RUFY3: variants seen among roughly 807,000 people sequenced by gnomAD.
RUFY3 encodes the protein RUN and FYVE domain containing 3.
RUFY3 carries 34 observed loss-of-function variants against 84.0 expected under a neutral mutation model. That is an observed-to-expected ratio of 0.40 (90% confidence interval 0.31 to 0.54). The LOEUF (loss-of-function observed/expected upper bound fraction) is 0.54, where lower values mean the gene tolerates loss of function less well. Among genes scored for constraint, RUFY3 ranks in the 20% least tolerant of loss-of-function variants. The pLI is 0.39. For synonymous variants in RUFY3, 242 were observed against 252.9 expected (o/e 0.96, Z 0.41); for missense variants, 507 against 736.8 (o/e 0.69, Z 3.61).
At chr4:70,723,181 G>A (rs898118517) in intron 1 of RUFY3, among the ~76,000 whole-genome samples, 1 of 152,036 alleles carries the variant, frequency 6.6e-6, no homozygotes, top group African/African-American at 2.4e-5. Context: ...AAACACCAGG[G>A]TATTTGGTAA....
chr4:70,727,354 C>CTTTT (rs762253929), intron 1 of RUFY3, among the ~76,000 whole-genome samples: 7,136 of 118,132 alleles, frequency 0.06, 756 homozygotes, highest in African/African-American at 0.2. Flanking sequence ...AAAGTAATAA[C>CTTTT]TTTTTTTTTT....
chr4:70,771,277 G>C (rs1578157803), intron 5 of RUFY3, among the ~76,000 whole-genome samples: 1 of 152,074 alleles, frequency 6.6e-6, no homozygotes, highest in African/African-American at 2.4e-5. Context: ...TGCAATATCT[G>C]TGAAGCAAAG....
chr4:70,779,674 C>A (rs111662335), intron 8 of RUFY3, among the ~76,000 whole-genome samples: 70 of 151,794 alleles, frequency 4.6e-4, no homozygotes, highest in African/African-American at 1.7e-3. Flanking sequence ...CCCCCGCCCC[C>A]CGGGCTCAAG....
At chr4:70,741,554 T>A in intron 1 of RUFY3, 6 of 1,314,768 alleles carry the variant, frequency 4.6e-6, no homozygotes, top group Non-Finnish European at 6.2e-6. Flanking sequence ...AATCTTGTTT[T>A]TAATAGCACT....
At chr4:70,781,641 C>G (rs1441843345) in intron 8 of RUFY3, among the ~76,000 whole-genome samples, 2 of 152,282 alleles carry the variant, frequency 1.3e-5, no homozygotes, top group South Asian at 2.1e-4. Context: ...GAGAGGAGAC[C>G]TACTTGCCCA....
intron 4 of RUFY3, among the ~76,000 whole-genome samples, chr4:70,767,710 G>A (rs1454280577): frequency 6.6e-6 from 1 of 150,758 alleles, no homozygotes; most frequent in African/African-American, 2.4e-5. Flanking sequence ...ACAGAGTGTT[G>A]CTCTGTCACC....
intron 1 of RUFY3, among the ~76,000 whole-genome samples, chr4:70,729,666 A>G (rs1718892567): frequency 6.6e-6 from 1 of 152,238 alleles, no homozygotes; most frequent in Non-Finnish European, 1.5e-5. Context: ...TATTTATATT[A>G]GTAGTTATTC....
upstream of RUFY3, among the ~76,000 whole-genome samples, chr4:70,719,653 A>G (rs6828698): frequency 0.067 from 10,216 of 152,236 alleles, 910 homozygotes; most frequent in African/African-American, 0.2. Flanking sequence ...ACTACTTACT[A>G]TGTTTTGAAG....
chr4:70,713,022 TTG>T (rs947198898), intron 1 of RUFY3, among the ~76,000 whole-genome samples: 5 of 152,180 alleles, frequency 3.3e-5, no homozygotes, highest in Non-Finnish European at 7.4e-5. Context: ...AAATTTTTTT[TTG>T]TTTTGTTTGC....
At chr4:70,716,390 C>G (rs894818961) in intron 1 of RUFY3, among the ~76,000 whole-genome samples, 31 of 152,054 alleles carry the variant, frequency 2.0e-4, no homozygotes, top group African/African-American at 6.8e-4. Flanking sequence ...AAGTGGTCCA[C>G]CTGCCTCAGC....
chr4:70,805,316 T>G (rs536504583), intron 17 of RUFY3, among the ~76,000 whole-genome samples: 6 of 152,320 alleles, frequency 3.9e-5, no homozygotes, highest in Admixed American at 3.9e-4. Flanking sequence ...CTTCCCAGTT[T>G]GTTATCCTAG....
At chr4:70,742,387 A>G (rs2070532575) in intron 1 of RUFY3, among the ~76,000 whole-genome samples, 1 of 152,144 alleles carries the variant, frequency 6.6e-6, no homozygotes, top group South Asian at 2.1e-4. Context: ...GCTGTAGCAC[A>G]CACCCCTGAC....
At chr4:70,732,741 A>G (rs1719487718) in intron 1 of RUFY3, among the ~76,000 whole-genome samples, 1 of 145,690 alleles carries the variant, frequency 6.9e-6, no homozygotes. Flanking sequence ...GGAACATCAC[A>G]CACTGGGGAC....
intron 9 of RUFY3, 38 bp downstream of exon 9, chr4:70,783,221 C>T (rs1407901545): frequency 7.6e-6 from 10 of 1,310,884 alleles, no homozygotes; most frequent in Non-Finnish European, 1.1e-5. Context: ...TCACTGAGAG[C>T]ATATCAACTT....
At chr4:70,748,828 G>A (rs1722647585) in intron 1 of RUFY3, among the ~76,000 whole-genome samples, 2 of 152,104 alleles carry the variant, frequency 1.3e-5, no homozygotes, top group Non-Finnish European at 2.9e-5. Flanking sequence ...TCATTATCAG[G>A]TTCATAAATG....
intron 1 of RUFY3, among the ~76,000 whole-genome samples, chr4:70,725,522 G>C (rs1718092195): frequency 6.6e-6 from 1 of 151,976 alleles, no homozygotes; most frequent in Non-Finnish European, 1.5e-5. Flanking sequence ...GTAGAGACGG[G>C]GTTTTTGCAT....
At chr4:70,745,818 G>T (rs1365160248) in intron 1 of RUFY3, among the ~76,000 whole-genome samples, 1 of 152,162 alleles carries the variant, frequency 6.6e-6, no homozygotes, top group African/African-American at 2.4e-5. Flanking sequence ...TAGAGTGGTG[G>T]TTCACTTCTA....
At chr4:70,773,594 T>TA in intron 6 of RUFY3, 22 bp downstream of exon 6, 1 of 1,561,762 alleles carries the variant, frequency 6.4e-7, no homozygotes, top group Non-Finnish European at 8.8e-7. Flanking sequence ...GAAAATTAGA[T>TA]TTCTTTTCTC....
intron 5 of RUFY3, among the ~76,000 whole-genome samples, chr4:70,771,693 A>G (rs1418640933): frequency 6.6e-6 from 1 of 151,966 alleles, no homozygotes. Flanking sequence ...TACCACACCC[A>G]GCTAATTTTT....
Sources: allele counts gnomAD v4.1 joint callset (sites outside exome capture counted in the v4.1 genomes callset), GRCh38; gene constraint gnomAD v4.1.1; transcripts MANE v1.5; gene names NCBI Gene and HGNC (gene_info 2026-07-23, HGNC 2026-07-21).